SMYD4: variants seen among roughly 807,000 people sequenced by gnomAD.
SMYD4 encodes the protein protein-lysine N-methyltransferase SMYD4.
SMYD4 carries 68 observed loss-of-function variants against 72.8 expected under a neutral mutation model. The ratio of observed to expected loss-of-function variants is 0.93; its 90% CI spans 0.77 to 1.14. The LOEUF (loss-of-function observed/expected upper bound fraction) is 1.14. SMYD4 is among the 50% of genes most tolerant of loss of function. SMYD4 has a pLI of 0.00. For synonymous variants in SMYD4, 407 were observed against 388.6 expected (o/e 1.05, Z -0.56); for missense variants, 984 against 1,003.7 (o/e 0.98, Z 0.27).
rs539572023 is a variant in SMYD4 at position 1,809,766 on chromosome 17, T to A, written c.279+2205A>T. ...CTCACTGCAAGCTCCGCCTCCCGGG[T>A]TCACGCCATTCTCCTGCCTCAGCCT... On this transcript the variant is annotated intron_variant, in intron 3 of 10. Coordinates refer to ENST00000305513, the MANE Select transcript of SMYD4 (RefSeq NM_052928.3). 3.3e-5 allele frequency among the ~76,000 whole-genome samples: 5 copies of A among 151,412 alleles called. No individual in the cohort carries two copies. The South Asian group carries it at 1.0e-3, about 32-fold the overall frequency.
intron 2 of SMYD4, among the ~76,000 whole-genome samples, chr17:1,818,275 A>C (rs1466691420): frequency 6.6e-6 from 1 of 152,116 alleles, no homozygotes; most frequent in African/African-American, 2.4e-5. Flanking sequence ...GGCGAAGGAG[A>C]AAGTCCCAGC....
At chr17:1,822,349 A>G (rs183132873) in intron 2 of SMYD4, among the ~76,000 whole-genome samples, 22 of 152,234 alleles carry the variant, frequency 1.4e-4, no homozygotes, top group Non-Finnish European at 2.2e-4. Context: ...GTTTTTCCTG[A>G]TAAGTTTTGA....
Position 1,787,623 on chromosome 17 carries a change from A to G in SMYD4, c.1538-19T>C. The stretch of plus-strand genomic sequence containing the variant: ...TTAGGTCCTGAAAGGGCAAGAGGAA[A>G]GAAGGAAAAAGGTGTCAGCACATGA... On this transcript the variant is annotated intron_variant, in intron 5 of 10. Coordinates refer to ENST00000305513, the MANE Select transcript of SMYD4 (RefSeq NM_052928.3). The G allele has an allele frequency of 6.4e-7, 1 of 1,556,842 alleles. No individual in the cohort carries two copies. The highest frequency in any genetic ancestry group is 8.7e-7 in the Non-Finnish European group (1 of 1,150,648).
intron 2 of SMYD4, among the ~76,000 whole-genome samples, chr17:1,823,906 T>C (rs574225284): frequency 6.6e-6 from 1 of 152,146 alleles, no homozygotes; most frequent in African/African-American, 2.4e-5. Context: ...GAAATACACA[T>C]TCTGATGACA....
At chr17:1,819,650 C>T (rs1255355329) in intron 2 of SMYD4, among the ~76,000 whole-genome samples, 2 of 152,182 alleles carry the variant, frequency 1.3e-5, no homozygotes, top group African/African-American at 4.8e-5. Flanking sequence ...CTAGGGGTTA[C>T]AAAATGGCGA....
intron 2 of SMYD4, among the ~76,000 whole-genome samples, chr17:1,817,394 T>C (rs1487181505): frequency 6.6e-6 from 1 of 152,068 alleles, no homozygotes; most frequent in Non-Finnish European, 1.5e-5. Flanking sequence ...TGGAGTGTAG[T>C]TGGCTTGGTC....
chr17:1,804,651 GC>G lies in SMYD4; in HGVS notation c.343del (p.Ala115ProfsTer65). On this transcript the variant is annotated frameshift_variant, in exon 4 of 11. Transcript: ENST00000305513. LOFTEE classifies it high-confidence loss of function. ...MSLCHANRSA[A>X]LFHLGQYETC... is the part of the protein sequence containing the mutation. ...CTCATACTGACCCAGGTGGAAGAGG[GC>G]TGCCGAGCGGTTAGCATGACACAGT... 1.9e-6 allele frequency: 3 copies of G among 1,613,656 alleles called. No individual in the cohort carries two copies. Among genetic ancestry groups the G allele is most frequent in the Non-Finnish European group, 2.5e-6 (3 of 1,179,716 alleles).
chr17:1,824,988 G>A (rs1315127732), intron 2 of SMYD4, among the ~76,000 whole-genome samples: 3 of 152,122 alleles, frequency 2.0e-5, no homozygotes, highest in Non-Finnish European at 4.4e-5. Context: ...CTGCCACCCT[G>A]TGAGGGCTGT....
At position 1,786,958 on chromosome 17, in the gene SMYD4, C is replaced by A. The variant is rs766983285; in HGVS notation, c.1736G>T (p.Arg579Leu). ...ILHCYGPHKS[R>L]MGVAERQQKL... ...CTGCTGCCTTTCGGCAACCCCCATC[C>A]GGCTCTTGTGAGGCCCTGGAGGGAG... The change falls in exon 7 of 11, where the codon CGG (arginine) becomes CTG (leucine). Residue 579 changes from arginine to leucine, a missense_variant. By Grantham distance (102) the Arg-to-Leu change is moderately radical. Coordinates refer to ENST00000305513, the MANE Select transcript of SMYD4 (RefSeq NM_052928.3). 3.1e-6 allele frequency: 5 copies of A among 1,613,738 alleles called. No homozygotes were observed. Among genetic ancestry groups the A allele is most frequent in the Non-Finnish European group, 4.2e-6 (5 of 1,180,032 alleles).
intron 2 of SMYD4, among the ~76,000 whole-genome samples, chr17:1,823,856 T>C (rs1025142999): frequency 1.3e-5 from 2 of 152,156 alleles, no homozygotes; most frequent in Admixed American, 6.6e-5. Context: ...TGAATGGTTA[T>C]AGCACCCACT....
chr17:1,800,162 C>T lies in SMYD4; in HGVS notation c.1232G>A (p.Gly411Glu). 1 of 1,610,638 alleles carries T rather than the reference C, an allele frequency of 6.2e-7. No homozygotes were observed. Among genetic ancestry groups the T allele is most frequent in the Non-Finnish European group, 8.5e-7 (1 of 1,177,764 alleles). Residue 411 changes from glycine (G) to glutamate (E), a missense_variant, in exon 5 of 11, where the codon GGA (glycine) becomes GAA (glutamate). By Grantham distance (98) the Gly-to-Glu change is moderately conservative. Coordinates refer to ENST00000305513, the MANE Select transcript of SMYD4 (RefSeq NM_052928.3). ...NGNIVETPIPGCDINGKYENN... is the reference protein window; with the variant it reads ...NGNIVETPIPECDINGKYENN... The stretch of plus-strand genomic sequence containing the variant: ...TTCATACTTCCCATTAATATCGCAT[C>T]CAGGAATTGGGGTCTCAACGATGTT...
In SMYD4 at chr17:1,800,609, T is replaced by C. The variant is rs781718698; in HGVS notation, c.785A>G (p.Glu262Gly). ...GTTGAGAACACTCACAAAAGCATCC[T>C]CCTGCACCAGGAGCTCTCCTGGGAG... ...DILPGELLVQ[E>G]DAFVSVLNPG... The change falls in exon 5 of 11, where the codon GAG becomes GGG. Residue 262 changes from glutamate (E) to glycine (G), a missense_variant. By Grantham distance (98) the Glu-to-Gly change is moderately conservative (BLOSUM62 -2). Transcript: ENST00000305513. The C allele has an allele frequency of 1.2e-6, 2 of 1,614,144 alleles. No homozygotes were observed. Among genetic ancestry groups the C allele is most frequent in the Admixed American group, 3.3e-5 (2 of 60,004 alleles).
At chr17:1,796,306 T>TTTTTG (rs1909407556) in intron 5 of SMYD4, among the ~76,000 whole-genome samples, 1 of 146,930 alleles carries the variant, frequency 6.8e-6, no homozygotes. Flanking sequence ...GCTGTTTTTT[T>TTTTTG]TTTTTTTTTT....
chr17:1,819,281 C>T (rs139367683), intron 2 of SMYD4, among the ~76,000 whole-genome samples: 16 of 152,218 alleles, frequency 1.1e-4, no homozygotes, highest in South Asian at 4.1e-4. Flanking sequence ...CGCTTGAATA[C>T]GGGAGGCAGA....
chr17:1,785,024 T>A (rs188423349), intron 7 of SMYD4, among the ~76,000 whole-genome samples: 1,674 of 149,456 alleles, frequency 0.011, 31 homozygotes, highest in African/African-American at 0.037. Flanking sequence ...TCTGACCTCA[T>A]GATCCGCTCG....
intron 2 of SMYD4, among the ~76,000 whole-genome samples, chr17:1,825,291 A>C (rs1034119672): frequency 2.0e-5 from 3 of 152,210 alleles, no homozygotes; most frequent in Non-Finnish European, 4.4e-5. Context: ...AGATGTATAC[A>C]TACATCATAA....
At position 1,799,273 on chromosome 17, in the gene SMYD4, A is replaced by AG. The variant is rs1206240285; in HGVS notation, c.1537+583dup. Among the ~76,000 whole-genome samples the AG allele has an allele frequency of 8.7e-4, 132 of 152,234 alleles. 1 individual carries two copies. The highest frequency in any genetic ancestry group is 3.1e-3 in the African/African-American group (127 of 41,554). On this transcript the variant is annotated intron_variant, in intron 5 of 10. Coordinates refer to ENST00000305513, the MANE Select transcript of SMYD4 (RefSeq NM_052928.3). ...GAGACTCCGTCTCAAAAAAAAAAAA[A>AG]GAATTTTTACAAACATAGCTTTACA... is the stretch of plus-strand genomic sequence containing the variant.
At chr17:1,819,479 G>A (rs2151252319) in intron 2 of SMYD4, among the ~76,000 whole-genome samples, 1 of 152,272 alleles carries the variant, frequency 6.6e-6, no homozygotes, top group South Asian at 2.1e-4. Context: ...CTTACTTAAT[G>A]TGGCAATTGC....
chr17:1,812,236 G>A, intron 2 of SMYD4, 121 bp from the exon 3 acceptor site: 1 of 1,132,108 alleles, frequency 8.8e-7, no homozygotes, highest in Non-Finnish European at 1.3e-6. Flanking sequence ...ATGAGGATAT[G>A]TACATTGTGC....
Sources: gnomAD v4.1 joint callset for allele counts (sites outside exome capture counted in the v4.1 genomes callset) on GRCh38, gnomAD v4.1.1 for gene constraint, MANE v1.5 for transcripts, NCBI Gene and HGNC (gene_info 2026-07-23, HGNC 2026-07-21) for gene names.